OTC: variants seen among roughly 807,000 people sequenced by gnomAD.
OTC encodes ornithine transcarbamylase, mitochondrial.
In OTC, 3 loss-of-function variants were observed where a neutral mutation model predicts 30.3. The observed-to-expected ratio is 0.10, with a 90% CI of 0.05 to 0.26. The LOEUF (loss-of-function observed/expected upper bound fraction) is 0.26. Ranked by LOEUF, OTC falls within the 10% of genes least tolerant of loss-of-function variation. The pLI, the probability that OTC is intolerant of heterozygous loss-of-function variation, is 1.00. For synonymous variants in OTC, 111 were observed against 99.7 expected (o/e 1.11, Z -0.67); for missense variants, 194 against 260.3 (o/e 0.75, Z 1.75).
intron 6 of OTC, 24 bp downstream of exon 6, chrX:38,403,764 A>G: frequency 8.3e-7 from 1 of 1,204,436 alleles, no homozygotes; most frequent in Non-Finnish European, 1.1e-6. Flanking sequence ...TTGCCTTGAA[A>G]CTAACCCCTC....
intron 8 of OTC, among the ~76,000 whole-genome samples, chrX:38,409,365 G>A (rs1298983410): frequency 1.3e-4 from 15 of 112,355 alleles, no homozygotes; most frequent in Non-Finnish European, 2.4e-4. Flanking sequence ...TCTCCCCTAA[G>A]AAAAGCCCCT....
intron 4 of OTC, among the ~76,000 whole-genome samples, chrX:38,396,642 G>A (rs1039492210): frequency 3.6e-5 from 4 of 110,655 alleles, no homozygotes; most frequent in Admixed American, 9.6e-5. Context: ...GCGTAGTGGC[G>A]CATGCCTCTA....
intron 1 of OTC, among the ~76,000 whole-genome samples, chrX:38,358,019 A>G (rs781663367): frequency 9.0e-6 from 1 of 111,331 alleles, no homozygotes; most frequent in African/African-American, 3.3e-5. Context: ...TGGTGTACCA[A>G]GGAGATTTCT....
At chrX:38,400,408 C>G (rs934438492) in intron 4 of OTC, among the ~76,000 whole-genome samples, 2 of 111,416 alleles carry the variant, frequency 1.8e-5, no homozygotes, top group Non-Finnish European at 3.8e-5. Flanking sequence ...TGTGTCAGTT[C>G]AGGTCCACTA....
chrX:38,332,658 A>C, the OTC span, among the ~76,000 whole-genome samples: 1 of 107,677 alleles, frequency 9.3e-6, no homozygotes, highest in Admixed American at 1.0e-4. Flanking sequence ...TTAATAAGGC[A>C]AAGGCAGCTC....
chrX:38,397,747 C>T (rs990429563), intron 4 of OTC, among the ~76,000 whole-genome samples: 1 of 111,440 alleles, frequency 9.0e-6, no homozygotes, highest in African/African-American at 3.3e-5. Context: ...CACAGTAGCC[C>T]ACTTTCCTCC....
At chrX:38,397,726 T>C (rs959010117) in intron 4 of OTC, among the ~76,000 whole-genome samples, 1 of 111,923 alleles carries the variant, frequency 8.9e-6, no homozygotes, top group African/African-American at 3.2e-5. Flanking sequence ...ATCCACTGTG[T>C]CACCCAGTGG....
chrX:38,398,514 T>G (rs1423363094), intron 4 of OTC, among the ~76,000 whole-genome samples: 1 of 111,670 alleles, frequency 9.0e-6, no homozygotes, highest in Non-Finnish European at 1.9e-5. Flanking sequence ...CAGACTTTTT[T>G]TATTTGTCTG....
chrX:38,338,230 G>T, the OTC span, among the ~76,000 whole-genome samples: 1 of 112,086 alleles, frequency 8.9e-6, no homozygotes, highest in African/African-American at 3.2e-5. Context: ...TGAGGCAAAT[G>T]ACTTTTTTCA....
chrX:38,396,858 G>A (rs986698684), intron 4 of OTC, among the ~76,000 whole-genome samples: 1 of 111,795 alleles, frequency 8.9e-6, no homozygotes, highest in African/African-American at 3.3e-5. Flanking sequence ...TTTCCTCATT[G>A]GAAATTGCAT....
intron 1 of OTC, among the ~76,000 whole-genome samples, chrX:38,359,618 A>G (rs1425861510): frequency 9.1e-6 from 1 of 110,227 alleles, no homozygotes; most frequent in Admixed American, 9.6e-5. Context: ...ACGGGGTTTC[A>G]TCATATTGGT....
chrX:38,359,097 C>A (rs776037689), intron 1 of OTC, among the ~76,000 whole-genome samples: 1 of 112,024 alleles, frequency 8.9e-6, no homozygotes, highest in Non-Finnish European at 1.9e-5. Context: ...GTGTAGTCCA[C>A]TATTACTGTA....
intron 3 of OTC, among the ~76,000 whole-genome samples, chrX:38,374,269 C>T (rs2068335379): frequency 9.0e-6 from 1 of 111,190 alleles, no homozygotes; most frequent in Non-Finnish European, 1.9e-5. Flanking sequence ...TAAAAGCAGG[C>T]TTCTCTGGAT....
chrX:38,414,881 G>A (rs1429713737), intron 9 of OTC, among the ~76,000 whole-genome samples: 1 of 109,822 alleles, frequency 9.1e-6, no homozygotes, highest in Non-Finnish European at 1.9e-5. Flanking sequence ...GTTCATTTCA[G>A]CAGCCATATA....
the OTC span, among the ~76,000 whole-genome samples, chrX:38,341,041 G>A: frequency 1.8e-5 from 2 of 111,435 alleles, no homozygotes; most frequent in South Asian, 7.5e-4. Context: ...CAAGTGATCC[G>A]CCTGCCTCGG....
At chrX:38,383,041 CTTAG>C (rs1488500130) in intron 4 of OTC, among the ~76,000 whole-genome samples, 1 of 111,133 alleles carries the variant, frequency 9.0e-6, no homozygotes, top group Non-Finnish European at 1.9e-5. Flanking sequence ...ACTGCAAGTC[CTTAG>C]TTAGAGGAGC....
At chrX:38,396,734 C>T (rs1216591708) in intron 4 of OTC, among the ~76,000 whole-genome samples, 5 of 111,277 alleles carry the variant, frequency 4.5e-5, no homozygotes, top group Non-Finnish European at 9.4e-5. Flanking sequence ...GATCATGCCA[C>T]TGCACTCCAG....
intron 1 of OTC, among the ~76,000 whole-genome samples, chrX:38,357,711 A>T (rs2068248873): frequency 8.9e-6 from 1 of 112,744 alleles, no homozygotes. Context: ...CAAGTAGCAA[A>T]TACTCTTCCA....
chrX:38,399,541 G>C (rs1484031343), intron 4 of OTC, among the ~76,000 whole-genome samples: 1 of 110,797 alleles, frequency 9.0e-6, no homozygotes, highest in Non-Finnish European at 1.9e-5. Context: ...CTGAGGTCAG[G>C]AGTTTGAGAC....
Sources: gnomAD v4.1 joint callset for allele counts (sites outside exome capture counted in the v4.1 genomes callset) on GRCh38, gnomAD v4.1.1 for gene constraint, MANE v1.5 for transcripts, NCBI Gene and HGNC (gene_info 2026-07-23, HGNC 2026-07-21) for gene names.